IRAK1BP1: variants seen among roughly 807,000 people sequenced by gnomAD.
The protein encoded by IRAK1BP1 is interleukin-1 receptor-associated kinase 1-binding protein 1.
Under a neutral mutation model 28.0 loss-of-function variants are expected in IRAK1BP1, and 24 were observed. That is an observed-to-expected ratio of 0.86 (90% CI 0.62 to 1.20). The LOEUF is 1.20. Among genes scored for constraint, IRAK1BP1 ranks in the 50% most tolerant of loss-of-function variants. IRAK1BP1 has a pLI of 0.00. For synonymous variants in IRAK1BP1, 131 were observed against 116.3 expected, an observed-to-expected ratio of 1.13 and a Z score of -0.81; for missense variants, 336 against 316.7, an observed-to-expected ratio of 1.06 and a Z score of -0.46.
chr6:78,971,284 T>C, the IRAK1BP1 span, among the ~76,000 whole-genome samples: 16 of 152,226 alleles, frequency 1.1e-4, no homozygotes, highest in Non-Finnish European at 1.6e-4. Context: ...CTTTCACATA[T>C]ATTTTAATCC....
chr6:78,954,939 G>C, the IRAK1BP1 span: 1 of 1,569,930 alleles, frequency 6.4e-7, no homozygotes. Context: ...GCTCTATTAC[G>C]TAATCTTCTT....
chr6:78,926,465 A>C (rs1370176194), intron 4 of IRAK1BP1, among the ~76,000 whole-genome samples: 3 of 152,100 alleles, frequency 2.0e-5, no homozygotes, highest in Non-Finnish European at 4.4e-5. Context: ...AGATGTTTTG[A>C]TACAGACTTG....
rs151106627 is a variant in IRAK1BP1 at position 78,867,581 on chromosome 6, C to G, written c.5C>G (p.Ser2Cys). Reference protein sequence around the residue: MSLQKTPPTRVF... With the variant: MCLQKTPPTRVF... Reference sequence around the variant, plus strand: ...GGAAACCCAGCTGCCATCGCTATGTCTCTGCAAAAGACCCCTCCGACCCGA... The same window carrying G: ...GGAAACCCAGCTGCCATCGCTATGTGTCTGCAAAAGACCCCTCCGACCCGA... The change falls in exon 1 of 4, where the codon TCT becomes TGT. Residue 2 changes from serine (S) to cysteine (C), a missense_variant. By Grantham distance (112) the Ser-to-Cys change is moderately radical (BLOSUM62 -1). Transcript: ENST00000369940. 5.1e-5 allele frequency: 82 copies of G among 1,613,226 alleles called. No homozygotes were observed. Among genetic ancestry groups the G allele is most frequent in the Non-Finnish European group, 6.6e-5 (78 of 1,179,624 alleles).
At chr6:78,869,445 G>A (rs1163492362) in intron 1 of IRAK1BP1, among the ~76,000 whole-genome samples, 4 of 152,124 alleles carry the variant, frequency 2.6e-5, no homozygotes, top group Non-Finnish European at 5.9e-5. Context: ...TCTTGAATCC[G>A]GGAGGCGAAG....
At chr6:78,908,014 G>A (rs1027254526), downstream of IRAK1BP1, among the ~76,000 whole-genome samples, 3 of 149,238 alleles carry the variant, frequency 2.0e-5, no homozygotes, top group Non-Finnish European at 4.4e-5. Context: ...CACTGCACCC[G>A]GCCTTTTATT....
chr6:78,945,938 C>A, exon 5 of IRAK1BP1: 2 of 1,222,648 alleles, frequency 1.6e-6, no homozygotes, highest in Non-Finnish European at 1.2e-6. Flanking sequence ...TTGCATTTGG[C>A]AAAGTAAAAG....
intron 4 of IRAK1BP1, among the ~76,000 whole-genome samples, chr6:78,922,647 G>GA (rs527652298): frequency 6.6e-6 from 1 of 152,128 alleles, no homozygotes; most frequent in African/African-American, 2.4e-5. Flanking sequence ...TGAAATGAAG[G>GA]AAAAAATGTT....
In IRAK1BP1 at chr6:78,943,988, TTTAAAA is replaced by T. The variant is rs1773656675; in HGVS notation, c.*68-1419_*68-1414del. Among the ~76,000 whole-genome samples the T allele has an allele frequency of 2.5e-4, 6 of 24,414 alleles. No homozygotes were observed. In the South Asian group the frequency reaches 0.015, roughly 60 times the overall value. The allele number at this position is 24,414 out of a possible 152,430, so 16.0% of individuals were successfully genotyped here. On this transcript the variant is annotated intron_variant and NMD_transcript_variant, in intron 4 of 4. Transcript: ENST00000606868. ...GTGACAGAGCAAGATCCTGTCTTTT[TTTAAAA>T]AAAAAAAAAAAAAAAAAAAGGAAGT... is the stretch of plus-strand genomic sequence containing the variant.
chr6:78,924,815 T>C (rs933485909), intron 4 of IRAK1BP1, among the ~76,000 whole-genome samples: 2 of 152,200 alleles, frequency 1.3e-5, no homozygotes, highest in Non-Finnish European at 2.9e-5. Context: ...CAACCATTAC[T>C]GGGTATATAC....
downstream of IRAK1BP1, chr6:78,903,152 A>G (rs1169070019): frequency 5.7e-6 from 6 of 1,057,670 alleles, no homozygotes; most frequent in Non-Finnish European, 4.1e-6. Context: ...GAAGACTAAG[A>G]AAAAGCATAC....
intron 4 of IRAK1BP1, among the ~76,000 whole-genome samples, chr6:78,926,158 A>ATTTT (rs1335768101): frequency 2.0e-5 from 3 of 152,182 alleles, no homozygotes; most frequent in African/African-American, 7.2e-5. Flanking sequence ...TATTACTAAA[A>ATTTT]AGTCAAAAAA....
At chr6:78,959,183 A>G in the IRAK1BP1 span, among the ~76,000 whole-genome samples, 1 of 152,152 alleles carries the variant, frequency 6.6e-6, no homozygotes, top group African/African-American at 2.4e-5. Context: ...GAGTTTTACA[A>G]TTTTATTTCT....
intron 4 of IRAK1BP1, among the ~76,000 whole-genome samples, chr6:78,943,006 C>G (rs1209752907): frequency 6.6e-6 from 1 of 152,126 alleles, no homozygotes; most frequent in African/African-American, 2.4e-5. Context: ...AAAAGTTATG[C>G]AGCTTAGGAA....
chr6:78,976,703 A>G, the IRAK1BP1 span, among the ~76,000 whole-genome samples: 52 of 148,470 alleles, frequency 3.5e-4, 1 homozygote, highest in African/African-American at 1.0e-3. Context: ...ACCACATCAA[A>G]AAGTGGGCGA....
At chr6:78,911,222 G>A (rs1222600073) in intron 4 of IRAK1BP1, among the ~76,000 whole-genome samples, 1 of 152,064 alleles carries the variant, frequency 6.6e-6, no homozygotes, top group East Asian at 1.9e-4. Context: ...TCAAAATCAG[G>A]TCAGGGCAAA....
At chr6:78,888,459 A>G (rs553504186) in intron 2 of IRAK1BP1, among the ~76,000 whole-genome samples, 1 of 152,166 alleles carries the variant, frequency 6.6e-6, no homozygotes, top group Non-Finnish European at 1.5e-5. Context: ...CAAACTCATC[A>G]AATTGTATAT....
At chr6:78,975,472 G>A in the IRAK1BP1 span, among the ~76,000 whole-genome samples, 1 of 152,218 alleles carries the variant, frequency 6.6e-6, no homozygotes, top group Admixed American at 6.5e-5. Flanking sequence ...ACAAGACAGG[G>A]ATGCTCTCTC....
At chr6:78,945,979 C>T in exon 5 of IRAK1BP1, 2 of 1,557,460 alleles carry the variant, frequency 1.3e-6, no homozygotes, top group Non-Finnish European at 1.8e-6. Context: ...ATATACATTT[C>T]AATTTAGAAA....
chr6:78,951,619 A>G, the IRAK1BP1 span, among the ~76,000 whole-genome samples: 1 of 152,138 alleles, frequency 6.6e-6, no homozygotes, highest in Non-Finnish European at 1.5e-5. Flanking sequence ...AAGAGATTAC[A>G]TTTTTCTTAT....
Sources: gnomAD v4.1 joint callset for allele counts (sites outside exome capture counted in the v4.1 genomes callset) on GRCh38, gnomAD v4.1.1 for gene constraint, MANE v1.5 for transcripts, NCBI Gene and HGNC (gene_info 2026-07-23, HGNC 2026-07-21) for gene names.